Variants in LCP2 observed in about 807,000 individuals in gnomAD.
The protein encoded by LCP2 is lymphocyte cytosolic protein 2, also known as 76 kDa tyrosine phosphoprotein.
A neutral mutation model predicts 74.5 loss-of-function variants in LCP2; 29 were observed. The observed-to-expected ratio is 0.39, with a 90% confidence interval of 0.29 to 0.53. LCP2 has a LOEUF of 0.53. Ranked by LOEUF, LCP2 falls within the 20% of genes least tolerant of loss-of-function variation. The probability of loss-of-function intolerance (pLI) is 0.72; values close to 1 mark genes in which losing one functional copy is unlikely to be tolerated. For missense variants in LCP2, 604 were observed against 634.6 expected (o/e 0.95, Z 0.52); for synonymous variants, 228 against 229.5 (o/e 0.99, Z 0.06).
chr5:170,271,374 G>A (rs925739588), intron 6 of LCP2, among the ~76,000 whole-genome samples: 4 of 152,112 alleles, frequency 2.6e-5, no homozygotes, highest in African/African-American at 7.2e-5. Flanking sequence ...CTGGTGCAGC[G>A]TTGAAGGCCC....
chr5:170,256,763 C>T lies in LCP2; in HGVS notation c.1101-188G>A, dbSNP rs1040496059. On this transcript the variant is annotated intron_variant, in intron 16 of 20. Transcript: ENST00000046794. This position sits in a 1 kb window ranked among gnomAD's most constrained non-coding sequence, Gnocchi z 4.5. ...ACACAGGGAATGGAACTACATTCCG[C>T]TGTGGACCATGCCAAAGTCTAACAA... is the stretch of plus-strand genomic sequence containing the variant. 3.9e-5 allele frequency among the ~76,000 whole-genome samples: 6 copies of T among 152,122 alleles called. No individual in the cohort carries two copies. Among genetic ancestry groups the T allele is most frequent in the Non-Finnish European group, 8.8e-5 (6 of 68,014 alleles).
At chr5:170,286,421 C>A (rs2113207122) in intron 3 of LCP2, among the ~76,000 whole-genome samples, 1 of 152,338 alleles carries the variant, frequency 6.6e-6, no homozygotes. Context: ...AATTCTGACA[C>A]CTGTGTGGAA....
chr5:170,267,342 A>G (rs1761784450), intron 8 of LCP2: 1 of 550,036 alleles, frequency 1.8e-6, no homozygotes. Flanking sequence ...ACAAAATTGA[A>G]ACTCGTTAAT....
rs140152216 is a variant in LCP2 at position 170,275,983 on chromosome 5, C to G, written c.189-123G>C. 6.8e-5 allele frequency: 50 copies of G among 737,260 alleles called. No individual in the cohort carries two copies. The African/African-American group carries it at 7.7e-4, about 11-fold the overall frequency. The allele number at this position is 737,260 out of a possible 1,614,324, so 45.7% of individuals were successfully genotyped here. On this transcript the variant is annotated intron_variant, in intron 3 of 20. Coordinates refer to ENST00000046794, the MANE Select transcript of LCP2 (RefSeq NM_005565.5). ...ACCAGGGCCAACTTTGGCCAGGCTC[C>G]TCTTTGTCACCTCTGCAGGGACCCT...
intron 19 of LCP2, chr5:170,251,810 G>A (rs56860754): frequency 1.2e-5 from 4 of 329,560 alleles, no homozygotes; most frequent in Middle Eastern, 4.0e-4. Flanking sequence ...CCCAGGAATC[G>A]GGATTTTTCA....
rs1761808696 is a variant in LCP2 at position 170,268,378 on chromosome 5, G to A, written c.621+7C>T. 1 of 684,992 alleles carries A rather than the reference G, an allele frequency of 1.5e-6. No homozygotes were observed. The highest frequency in any genetic ancestry group is 2.0e-6 in the Non-Finnish European group (1 of 508,992). 42.4% of individuals were successfully genotyped at this position (684,992 alleles called of 1,614,324 possible). On this transcript the variant is annotated splice_region_variant and intron_variant, in intron 8 of 20. Transcript: ENST00000046794. ...CAAGTACTGTAAAAGAACGGGAGGA[G>A]GCCTACCGAGTGATTCCGGCCGGCT...
Position 170,252,476 on chromosome 5 carries a change from A to C in LCP2, c.1281T>G (p.Ile427Met), listed in dbSNP as rs1379216297. The C allele has an allele frequency of 2.5e-6, 4 of 1,586,588 alleles. No individual in the cohort carries two copies. The Admixed American group carries it at 5.1e-5, about 20-fold the overall frequency. The change falls in exon 19 of 21, where the codon ATT (isoleucine) becomes ATG (methionine). Residue 427 changes from isoleucine to methionine, a missense_variant. By Grantham distance (10) the Ile-to-Met change is conservative (BLOSUM62 1). Coordinates refer to ENST00000046794, the MANE Select transcript of LCP2 (RefSeq NM_005565.5). ...SLNEEWYVSY[I>M]TRPEAEAALR... ...GAGCAGCTTCTGCCTCTGGTCGGGT[A>C]ATATAAGAAACGTACCACTCTTCAT...
chr5:170,257,617 A>G (rs1345307518), intron 16 of LCP2, among the ~76,000 whole-genome samples: 2 of 152,170 alleles, frequency 1.3e-5, no homozygotes, highest in East Asian at 3.9e-4. Context: ...AGGGGGACAG[A>G]GACTGCAATG....
chr5:170,277,289 G>A (rs978530921), intron 3 of LCP2, among the ~76,000 whole-genome samples: 1 of 152,020 alleles, frequency 6.6e-6, no homozygotes, highest in Non-Finnish European at 1.5e-5. Flanking sequence ...GCCTGCCTAT[G>A]AGAACGGCTC....
At chr5:170,252,306 C>T (rs1761462228) in intron 19 of LCP2, 128 bp downstream of exon 19, 1 of 516,238 alleles carries the variant, frequency 1.9e-6, no homozygotes, top group Non-Finnish European at 3.5e-6. Context: ...TAATGGGTCT[C>T]CTAGGTATTA....
chr5:170,288,099 A>C, intron 2 of LCP2, 83 bp from the exon 3 acceptor site: 1 of 1,398,902 alleles, frequency 7.1e-7, no homozygotes, highest in Non-Finnish European at 1.0e-6. Flanking sequence ...TACGTGAAAC[A>C]ATATAGGGAG....
intron 3 of LCP2, among the ~76,000 whole-genome samples, chr5:170,283,090 G>A (rs146469855): frequency 1.0e-3 from 156 of 152,302 alleles, no homozygotes; most frequent in African/African-American, 3.5e-3. Flanking sequence ...CATCAGGGCA[G>A]CCTGGACCTT....
Position 170,258,858 on chromosome 5 carries a change from G to A in LCP2, c.970+8C>T, listed in dbSNP as rs200698805. 3.0e-5 allele frequency: 48 copies of A among 1,581,656 alleles called. 1 individual carries two copies. The Middle Eastern group carries it at 5.0e-4, about 16-fold the overall frequency. Reference sequence around the variant, plus strand: ...TTATAGGCTGTAAGAATGTGTTTCCGAACATACCATCATCTTCATCCTGGG... The same window carrying A: ...TTATAGGCTGTAAGAATGTGTTTCCAAACATACCATCATCTTCATCCTGGG... On this transcript the variant is annotated splice_region_variant and intron_variant, in intron 15 of 20. Coordinates refer to ENST00000046794, the MANE Select transcript of LCP2 (RefSeq NM_005565.5).
In LCP2 at chr5:170,297,697, G is replaced by T; in HGVS notation, c.-86C>A. The stretch of plus-strand genomic sequence containing the variant: ...AAGCTCAAATCCAGAGCTCGGAGGC[G>T]TTCTTGGCTCTTCCAACTCCCAGCT... On this transcript the variant is annotated 5_prime_UTR_variant, in exon 1 of 21. Coordinates refer to ENST00000046794, the MANE Select transcript of LCP2 (RefSeq NM_005565.5). 8.6e-7 allele frequency: 1 copy of T among 1,167,624 alleles called. No homozygotes were observed. The highest frequency in any genetic ancestry group is 1.2e-6 in the Non-Finnish European group (1 of 822,210). The allele number at this position is 1,167,624 out of a possible 1,614,324, so 72.3% of individuals were successfully genotyped here. A position where few individuals can be genotyped will look rare whatever the true frequency, so the allele number is the denominator to read the frequency against.
intron 8 of LCP2, 104 bp from the exon 9 acceptor site, chr5:170,267,179 C>T (rs1761780933): frequency 1.7e-6 from 2 of 1,153,216 alleles, no homozygotes; most frequent in Non-Finnish European, 2.6e-6. Context: ...TCTTCATGTT[C>T]TGCCTACAAA....
rs920780584 is a variant in LCP2 at position 170,248,592 on chromosome 5, G to A, written c.*105C>T. On this transcript the variant is annotated 3_prime_UTR_variant, in exon 21 of 21. Coordinates refer to ENST00000046794, the MANE Select transcript of LCP2 (RefSeq NM_005565.5). ...AGGATAAAACCCTTGTGTTCATGGGGAGGGGTTCAGTTCAGTCCTAAGTGT... is the reference window on the plus strand; with the variant it reads ...AGGATAAAACCCTTGTGTTCATGGGAAGGGGTTCAGTTCAGTCCTAAGTGT... 1 of 1,183,660 alleles carries A rather than the reference G, an allele frequency of 8.4e-7. No homozygotes were observed. The highest frequency in any genetic ancestry group is 1.6e-5 in the African/African-American group (1 of 64,070). 73.3% of individuals were successfully genotyped at this position (1,183,660 alleles called of 1,614,324 possible). A position where few individuals can be genotyped will look rare whatever the true frequency, so the allele number is the denominator to read the frequency against.
intron 14 of LCP2, among the ~76,000 whole-genome samples, chr5:170,260,328 G>A (rs542472786): frequency 6.6e-6 from 1 of 152,330 alleles, no homozygotes; most frequent in Admixed American, 6.5e-5. Context: ...GCACAGAGCT[G>A]CAAAAATAGC....
At chr5:170,293,441 T>C (rs1762323297) in intron 1 of LCP2, 69 bp from the exon 2 acceptor site, 3 of 1,462,832 alleles carry the variant, frequency 2.1e-6, no homozygotes, top group African/African-American at 1.4e-5. Context: ...CTCCCTTGCC[T>C]GCCCCAGAAA....
intron 3 of LCP2, among the ~76,000 whole-genome samples, chr5:170,279,156 A>T (rs1011570546): frequency 1.3e-5 from 2 of 152,182 alleles, no homozygotes; most frequent in African/African-American, 4.8e-5. Flanking sequence ...CATAGACAGC[A>T]GTCCTCTCTG....
Sources: allele counts gnomAD v4.1 joint callset (sites outside exome capture counted in the v4.1 genomes callset), GRCh38; gene constraint gnomAD v4.1.1; non-coding constraint Gnocchi (gnomAD v3.1); transcripts MANE v1.5; gene names NCBI Gene and HGNC (gene_info 2026-07-23, HGNC 2026-07-21).